KIF13B: variants seen among roughly 807,000 people sequenced by gnomAD.
KIF13B encodes kinesin family member 13B.
Under a neutral mutation model 222.0 loss-of-function variants are expected in KIF13B, and 127 were observed. The ratio of observed to expected loss-of-function variants is 0.57; its 90% CI spans 0.50 to 0.66. The LOEUF (loss-of-function observed/expected upper bound fraction) is 0.66. Among genes scored for constraint, KIF13B ranks in the 30% least tolerant of loss-of-function variants. KIF13B has a pLI of 0.00. For synonymous variants in KIF13B, 976 were observed against 919.0 expected (o/e 1.06, Z -1.12); for missense variants, 2,173 against 2,379.0 (o/e 0.91, Z 1.80).
At chr8:29,227,226 T>C (rs1367867617) in intron 2 of KIF13B, among the ~76,000 whole-genome samples, 1 of 152,210 alleles carries the variant, frequency 6.6e-6, no homozygotes, top group Non-Finnish European at 1.5e-5. Context: ...TTATGAAATA[T>C]TTAATATTTT....
intron 18 of KIF13B, among the ~76,000 whole-genome samples, chr8:29,143,629 C>G (rs1278900887): frequency 6.6e-6 from 1 of 152,080 alleles, no homozygotes; most frequent in Non-Finnish European, 1.5e-5. Context: ...AGGCAGATCA[C>G]AAGGTCAGGA....
At chr8:29,097,242 G>C (rs1387972241) in intron 36 of KIF13B, among the ~76,000 whole-genome samples, 1 of 151,808 alleles carries the variant, frequency 6.6e-6, no homozygotes, top group Admixed American at 6.6e-5. Flanking sequence ...TTTCATGATA[G>C]GCCACTCTAT....
intron 18 of KIF13B, 86 bp downstream of exon 18, chr8:29,146,292 G>A (rs761147107): frequency 1.4e-6 from 2 of 1,381,424 alleles, no homozygotes; most frequent in African/African-American, 1.4e-5. Context: ...GCACAGACAG[G>A]GATCTGAAGC....
intron 2 of KIF13B, among the ~76,000 whole-genome samples, chr8:29,240,948 T>C (rs1464559843): frequency 6.6e-6 from 1 of 152,170 alleles, no homozygotes; most frequent in African/African-American, 2.4e-5. Context: ...CCCAGAAGCG[T>C]TCCATAACTA....
intron 18 of KIF13B, among the ~76,000 whole-genome samples, chr8:29,143,789 G>A (rs919159655): frequency 6.6e-6 from 1 of 151,990 alleles, no homozygotes; most frequent in African/African-American, 2.4e-5. Context: ...GTTGCAGTGA[G>A]CCGAGATCGC....
intron 1 of KIF13B, among the ~76,000 whole-genome samples, chr8:29,262,292 C>T (rs912357804): frequency 6.6e-6 from 1 of 152,204 alleles, no homozygotes; most frequent in African/African-American, 2.4e-5. Flanking sequence ...AGATACAATT[C>T]CACAAGAATC....
chr8:29,078,377 G>T (rs1224798928), intron 37 of KIF13B, among the ~76,000 whole-genome samples: 5 of 151,994 alleles, frequency 3.3e-5, no homozygotes, highest in Non-Finnish European at 7.4e-5. Context: ...CATGAAGGGG[G>T]CTTTTGGCAC....
chr8:29,108,151 T>C lies in KIF13B; in HGVS notation c.4203A>G (p.Leu1401=). Residue 1401 remains leucine, a synonymous_variant, in exon 35 of 40, where the codon CTA becomes CTG. Coordinates refer to ENST00000524189, the MANE Select transcript of KIF13B (RefSeq NM_015254.4). The part of the protein sequence containing the change: ...SRQDLIPSYS[L]GSNKGRWESQ... Reference sequence around the variant, plus strand: ...TTAAAACACCTACCTTGTTGCTGCCTAGACTGTATGATGGAATGAGATCTT... The same window carrying C: ...TTAAAACACCTACCTTGTTGCTGCCCAGACTGTATGATGGAATGAGATCTT... 6.2e-7 allele frequency: 1 copy of C among 1,611,864 alleles called. No homozygotes were observed. The highest frequency in any genetic ancestry group is 1.1e-5 in the South Asian group (1 of 90,376).
At chr8:29,133,893 T>C (rs912961758) in intron 22 of KIF13B, 147 bp downstream of exon 22, 9 of 722,466 alleles carry the variant, frequency 1.2e-5, no homozygotes, top group African/African-American at 1.1e-4. Flanking sequence ...TATAGATGCA[T>C]TGACACTTTT....
intron 24 of KIF13B, 70 bp from the exon 25 acceptor site, chr8:29,127,338 C>T (rs1810158683): frequency 7.4e-7 from 1 of 1,345,446 alleles, no homozygotes; most frequent in Non-Finnish European, 1.0e-6. Flanking sequence ...TAGAGAGACC[C>T]CTACAGGCTG....
At chr8:29,243,120 G>C (rs1815854018) in intron 2 of KIF13B, among the ~76,000 whole-genome samples, 1 of 152,130 alleles carries the variant, frequency 6.6e-6, no homozygotes, top group African/African-American at 2.4e-5. Flanking sequence ...GCAAAGGCAG[G>C]CGGATCACTT....
intron 22 of KIF13B, among the ~76,000 whole-genome samples, chr8:29,133,545 C>A (rs1244931097): frequency 6.6e-6 from 1 of 152,132 alleles, no homozygotes; most frequent in African/African-American, 2.4e-5. Flanking sequence ...GAGCCAAGAT[C>A]GTGCCACTGC....
chr8:29,176,086 A>C lies in KIF13B; in HGVS notation c.927T>G (p.Val309=), dbSNP rs372886716. ...AACTTACTTTGAGCAGCCAAGTGAG[A>C]ACTGAGTCACGATATGGAACAAATT... The part of the protein sequence containing the change: ...KNKFVPYRDS[V]LTWLLKDSLG... The change falls in exon 10 of 40, where the codon GTT becomes GTG. Residue 309 remains valine (V), a synonymous_variant. Transcript: ENST00000524189. The C allele has an allele frequency of 8.6e-5, 139 of 1,611,226 alleles. No individual in the cohort carries two copies. Among genetic ancestry groups the C allele is most frequent in the Non-Finnish European group, 1.1e-4 (133 of 1,177,668 alleles).
In KIF13B at chr8:29,132,436, A is replaced by G. The variant is rs1246889635; in HGVS notation, c.2814T>C (p.Phe938=). 8 of 1,563,542 alleles carry G rather than the reference A, an allele frequency of 5.1e-6. No individual in the cohort carries two copies. The highest frequency in any genetic ancestry group is 3.6e-5 in the South Asian group (3 of 82,776). ...ATGCTCCTTCGGAAAGATGCTCGAT[A>G]AAGTCTTCGGTGATGTTAACAGAAA... The part of the protein sequence containing the change: ...NEFSVNITED[F]IEHLSEGALA... The change falls in exon 23 of 40, where the codon TTT becomes TTC. Residue 938 remains phenylalanine (F), a synonymous_variant. Transcript: ENST00000524189.
At chr8:29,129,924 G>A (rs1207627121) in intron 24 of KIF13B, among the ~76,000 whole-genome samples, 2 of 152,232 alleles carry the variant, frequency 1.3e-5, no homozygotes, top group African/African-American at 4.8e-5. Flanking sequence ...GCGAAGGCAA[G>A]AGGTTATTGA....
rs1810148431 is a variant in KIF13B at position 29,127,145 on chromosome 8, G to A, written c.3199C>T (p.Pro1067Ser). 6.2e-7 allele frequency: 1 copy of A among 1,613,850 alleles called. No homozygotes were observed. The highest frequency in any genetic ancestry group is 1.3e-5 in the African/African-American group (1 of 75,012). Residue 1067 changes from proline to serine, a missense_variant, in exon 25 of 40, where the codon CCC (proline) becomes TCC (serine). Transcript: ENST00000524189. The stretch of plus-strand genomic sequence containing the variant: ...ACATGGAAGGTCTCATGTGTTCTGG[G>A]GGCTCTGAGCGGTCTAACTTTGACA... ...GCVKVRPLRA[P>S]RTHETFHEEE...
chr8:29,135,089 G>C (rs191405659), intron 21 of KIF13B, among the ~76,000 whole-genome samples: 9 of 152,284 alleles, frequency 5.9e-5, no homozygotes, highest in Non-Finnish European at 1.2e-4. Context: ...GTGTTGCCCA[G>C]GCTGGAGTGA....
intron 21 of KIF13B, among the ~76,000 whole-genome samples, chr8:29,136,053 T>G (rs1407803254): frequency 6.6e-6 from 1 of 152,192 alleles, no homozygotes; most frequent in Non-Finnish European, 1.5e-5. Flanking sequence ...CAACAGAAGT[T>G]TGAAACACCT....
rs532581889 is a variant in KIF13B at position 29,162,027 on chromosome 8, G to T, written c.1270-1160C>A. Among the ~76,000 whole-genome samples, 6 of 152,124 alleles carry T rather than the reference G, an allele frequency of 3.9e-5. No homozygotes were observed. In the South Asian group the frequency reaches 1.2e-3, roughly 32 times the overall value. ...TCATAACACGGGCCTTTCCTTTTTTGTGCCTGCCTCTGAACCCATACAATA... is the reference window on the plus strand; with the variant it reads ...TCATAACACGGGCCTTTCCTTTTTTTTGCCTGCCTCTGAACCCATACAATA... On this transcript the variant is annotated intron_variant, in intron 12 of 39. Transcript: ENST00000524189.
Sources: gnomAD v4.1 joint callset for allele counts (sites outside exome capture counted in the v4.1 genomes callset) on GRCh38, gnomAD v4.1.1 for gene constraint, MANE v1.5 for transcripts, NCBI Gene and HGNC (gene_info 2026-07-23, HGNC 2026-07-21) for gene names.